Variants in AK3 observed in about 807,000 individuals in gnomAD.
AK3 encodes the protein GTP:AMP phosphotransferase AK3, mitochondrial.
AK3 carries 27 observed loss-of-function variants against 23.7 expected under a neutral mutation model. The ratio of observed to expected loss-of-function variants is 1.14; its 90% confidence interval spans 0.84 to 1.57. AK3 has a LOEUF of 1.57. Ranked by LOEUF, AK3 falls within the 40% of genes most tolerant of loss-of-function variation. The pLI is 0.00. For synonymous variants in AK3, 159 were observed against 116.0 expected (o/e 1.37, Z -2.38); for missense variants, 406 against 285.6 (o/e 1.42, Z -3.04).
intron 1 of AK3, among the ~76,000 whole-genome samples, chr9:4,732,877 T>A (rs1246260570): frequency 1.3e-5 from 2 of 151,858 alleles, no homozygotes; most frequent in Admixed American, 1.3e-4. Context: ...TCTCTTTTTT[T>A]TTTTTTTTCC....
At chr9:4,736,330 T>C (rs1019913417) in intron 1 of AK3, among the ~76,000 whole-genome samples, 1 of 152,134 alleles carries the variant, frequency 6.6e-6, no homozygotes, top group Non-Finnish European at 1.5e-5. Flanking sequence ...CTATAATCTG[T>C]GTTTTAAAAA....
chr9:4,729,015 A>ATTTT lies in AK3; in HGVS notation c.152-6394_152-6391dup, dbSNP rs375640249. On this transcript the variant is annotated intron_variant, in intron 1 of 4. Transcript: ENST00000381809. The stretch of plus-strand genomic sequence containing the variant: ...CACACACACATATATATATATATAT[A>ATTTT]TTTTTTTTTTTTGAGACGGAATTTT... Among the ~76,000 whole-genome samples, 52 of 129,430 alleles carry ATTTT rather than the reference A, an allele frequency of 4.0e-4. 1 individual carries two copies. Among genetic ancestry groups the ATTTT allele is most frequent in the African/African-American group, 1.4e-3 (49 of 34,020 alleles). 84.9% of individuals were successfully genotyped at this position (129,430 alleles called of 152,430 possible).
chr9:4,739,225 G>A (rs1423795356), intron 1 of AK3, among the ~76,000 whole-genome samples: 2 of 151,632 alleles, frequency 1.3e-5, no homozygotes, highest in African/African-American at 4.9e-5. Flanking sequence ...TCGAGATGGG[G>A]TCTTGCTCAG....
upstream of AK3, chr9:4,741,273 G>A: frequency 1.8e-6 from 1 of 540,818 alleles, no homozygotes; most frequent in Non-Finnish European, 2.8e-6. Flanking sequence ...GGACCCCGCT[G>A]TTGCGTCCGC....
intron 1 of AK3, among the ~76,000 whole-genome samples, chr9:4,736,309 T>A (rs896950115): frequency 6.6e-6 from 1 of 152,022 alleles, no homozygotes; most frequent in Non-Finnish European, 1.5e-5. Flanking sequence ...TAAAACAGTA[T>A]ATACAGCATG....
intron 1 of AK3, among the ~76,000 whole-genome samples, chr9:4,739,072 C>T (rs550084188): frequency 6.6e-6 from 1 of 152,194 alleles, no homozygotes; most frequent in Admixed American, 6.5e-5. Context: ...TGCGCCAGGC[C>T]TACTCTCCTA....
Position 4,712,337 on chromosome 9 carries a change from T to A in AK3, c.*639A>T, listed in dbSNP as rs545043209. 5.9e-5 allele frequency: 9 copies of A among 152,346 alleles called. No individual in the cohort carries two copies. The highest frequency in any genetic ancestry group is 2.2e-4 in the African/African-American group (9 of 41,592). The allele number at this position is 152,346 out of a possible 1,614,324, so 9.4% of individuals were successfully genotyped here. A position where few individuals can be genotyped will look rare whatever the true frequency, so the allele number is the denominator to read the frequency against. On this transcript the variant is annotated 3_prime_UTR_variant, in exon 5 of 5. Coordinates refer to ENST00000381809, the MANE Select transcript of AK3 (RefSeq NM_016282.4). ...GTCATCTTAAAGTAATATTTTTCTA[T>A]ATGCTAATTGATACATCTTTATAGC...
chr9:4,711,029 T>A lies in AK3; in HGVS notation c.*1947A>T, dbSNP rs773117120. 2 of 151,896 alleles carry A rather than the reference T, an allele frequency of 1.3e-5. No individual in the cohort carries two copies. Among genetic ancestry groups the A allele is most frequent in the Admixed American group, 1.3e-4 (2 of 15,244 alleles). 9.4% of individuals were successfully genotyped at this position (151,896 alleles called of 1,614,324 possible). ...AGGGAATGGTCACAGGAAATAAGAG[T>A]CTTAATTCTCATAGCCATGTTCTTC... On this transcript the variant is annotated 3_prime_UTR_variant, in exon 5 of 5. Transcript: ENST00000381809.
intron 1 of AK3, among the ~76,000 whole-genome samples, chr9:4,735,053 T>A (rs1378662292): frequency 6.6e-6 from 1 of 151,738 alleles, no homozygotes; most frequent in Non-Finnish European, 1.5e-5. Context: ...GTTTCTTTTA[T>A]GGGGTGATGG....
At chr9:4,734,075 G>C (rs115712896) in intron 1 of AK3, among the ~76,000 whole-genome samples, 206 of 152,258 alleles carry the variant, frequency 1.4e-3, no homozygotes, top group African/African-American at 4.8e-3. Flanking sequence ...ACTATATTTG[G>C]AAATAGGGCT....
intron 4 of AK3, among the ~76,000 whole-genome samples, chr9:4,714,947 G>A (rs1045123637): frequency 1.3e-5 from 2 of 152,114 alleles, no homozygotes; most frequent in African/African-American, 4.8e-5. Flanking sequence ...GGCCGGGTGT[G>A]GTGGCTCAAG....
chr9:4,738,761 C>CTTTTTTTT (rs35812152), intron 1 of AK3, among the ~76,000 whole-genome samples: 3 of 75,094 alleles, frequency 4.0e-5, no homozygotes, highest in Non-Finnish European at 7.4e-5. Flanking sequence ...ATATGCTTTA[C>CTTTTTTTT]TTTTTTTTTT....
rs746579678 is a variant in AK3, at chr9:4,718,413, A to C, written c.563+6T>G. On this transcript the variant is annotated splice_donor_region_variant and intron_variant, in intron 4 of 4. Transcript: ENST00000381809. The stretch of plus-strand genomic sequence containing the variant: ...GCAAGAGAAGTTCTGAAAAGCAAAA[A>C]CTCACTGGTAATATTCCAGGACTGG... 59 of 1,607,626 alleles carry C rather than the reference A, an allele frequency of 3.7e-5. No individual in the cohort carries two copies. The South Asian group carries it at 5.5e-4, about 15-fold the overall frequency.
At chr9:4,721,763 T>A (rs1048844563) in intron 2 of AK3, among the ~76,000 whole-genome samples, 1 of 152,178 alleles carries the variant, frequency 6.6e-6, no homozygotes, top group Admixed American at 6.5e-5. Context: ...CTGGCCCACA[T>A]CAACTTCTAA....
intron 4 of AK3, among the ~76,000 whole-genome samples, chr9:4,718,048 G>A (rs142031344): frequency 1.3e-5 from 2 of 152,158 alleles, no homozygotes; most frequent in Non-Finnish European, 2.9e-5. Context: ...AGTTCAAGTT[G>A]GCTCCATCCG....
At position 4,731,353 on chromosome 9, in the gene AK3, A is replaced by C. The variant is rs553354930; in HGVS notation, c.152-8728T>G. Among the ~76,000 whole-genome samples, 10 of 152,214 alleles carry C rather than the reference A, an allele frequency of 6.6e-5. No individual in the cohort carries two copies. In the South Asian group the frequency reaches 2.1e-3, roughly 32 times the overall value. On this transcript the variant is annotated intron_variant, in intron 1 of 4. Coordinates refer to ENST00000381809, the MANE Select transcript of AK3 (RefSeq NM_016282.4). ...TCTCATCATTTAGCTCCCACTTATAAGTGAGAACATGAGGTATTTGGTTTT... is the reference window on the plus strand; with the variant it reads ...TCTCATCATTTAGCTCCCACTTATACGTGAGAACATGAGGTATTTGGTTTT...
At chr9:4,741,346 AAGCCG>A, upstream of AK3, 1 of 108,466 alleles carries the variant, frequency 9.2e-6, no homozygotes, top group Non-Finnish European at 2.1e-5. Context: ...CCAGCCGCGC[AAGCCG>A]CGCAAGCCGC....
intron 1 of AK3, 60 bp from the exon 2 acceptor site, chr9:4,722,685 C>G (rs10758645): frequency 0.55 from 879,225 of 1,606,706 alleles, 248,506 homozygotes; most frequent in East Asian, 0.72. Context: ...TTCCAGGCAC[C>G]TCGGAACGAG....
Position 4,719,186 on chromosome 9 carries a change from A to T in AK3, c.393T>A (p.His131Gln), listed in dbSNP as rs900850649. 1.2e-6 allele frequency: 2 copies of T among 1,611,876 alleles called. No homozygotes were observed. The highest frequency in any genetic ancestry group is 2.2e-5 in the South Asian group (2 of 90,982). Residue 131 changes from histidine (H) to glutamine (Q), a missense_variant, in exon 3 of 5, where the codon CAT becomes CAA. By Grantham distance (24) the His-to-Gln change is conservative. Coordinates refer to ENST00000381809, the MANE Select transcript of AK3 (RefSeq NM_016282.4). ...TGTTATAGACTCGGCCACTGGCGGG[A>T]TGAATCCAGCGAGCAGTAAGGCGTT... is the stretch of plus-strand genomic sequence containing the variant. ...IKQRLTARWI[H>Q]PASGRVYNIE... is the part of the protein sequence containing the mutation.
Sources: gnomAD v4.1 joint callset for allele counts (sites outside exome capture counted in the v4.1 genomes callset) on GRCh38, gnomAD v4.1.1 for gene constraint, MANE v1.5 for transcripts, NCBI Gene and HGNC (gene_info 2026-07-23, HGNC 2026-07-21) for gene names.